The following FAM163B variants were observed in gnomAD, a reference collection of about 807,000 sequenced individuals.
The protein encoded by FAM163B is family with sequence similarity 163 member B.
In FAM163B, 4 loss-of-function variants were observed where a neutral mutation model predicts 7.6. The ratio of observed to expected loss-of-function variants is 0.52; its 90% CI spans 0.26 to 1.20. The LOEUF is 1.20. Among genes scored for constraint, FAM163B ranks in the 50% most tolerant of loss-of-function variants. The pLI, the probability that FAM163B is intolerant of heterozygous loss-of-function variation, is 0.14. For synonymous variants in FAM163B, 120 were observed against 111.6 expected (o/e 1.07, Z -0.47); for missense variants, 250 against 243.0 (o/e 1.03, Z -0.19).
chr9:133,580,084 C>A, intron 2 of FAM163B, 47 bp downstream of exon 2: 1 of 1,542,562 alleles, frequency 6.5e-7, no homozygotes, highest in Non-Finnish European at 8.9e-7. Flanking sequence ...GTAGGGGCAC[C>A]CTCTGGGCCT....
intron 1 of FAM163B, among the ~76,000 whole-genome samples, chr9:133,585,087 A>AG (rs917588141): frequency 2.0e-5 from 3 of 152,204 alleles, no homozygotes; most frequent in African/African-American, 7.2e-5. Flanking sequence ...GTCTGTGGCA[A>AG]GGGGGCCTGG....
chr9:133,598,408 T>C (rs1831662003), intron 1 of FAM163B, among the ~76,000 whole-genome samples: 1 of 151,590 alleles, frequency 6.6e-6, no homozygotes, highest in Admixed American at 6.6e-5. Context: ...AGAAGTGCAT[T>C]TGAAAAAAAA....
chr9:133,590,065 CCCCTT>C (rs1564193410), intron 1 of FAM163B, among the ~76,000 whole-genome samples: 1,055 of 16,862 alleles, frequency 0.063, 202 homozygotes, highest in South Asian at 0.1. Context: ...CCCTTCCCTT[CCCCTT>C]CCCTTCCCCT....
chr9:133,600,069 ATG>A lies in FAM163B; in HGVS notation c.-24+9006_-24+9007del, dbSNP rs748374615. Among the ~76,000 whole-genome samples the A allele has an allele frequency of 3.6e-3, 463 of 127,464 alleles. No homozygotes were observed. Among genetic ancestry groups the A allele is most frequent in the African/African-American group, 0.014 (408 of 29,516 alleles). The allele number at this position is 127,464 out of a possible 152,430, so 83.6% of individuals were successfully genotyped here. On this transcript the variant is annotated intron_variant, in intron 1 of 2. Transcript: ENST00000673969. This position sits in a 1 kb window ranked among gnomAD's most constrained non-coding sequence, Gnocchi z 4.9. The stretch of plus-strand genomic sequence containing the variant: ...TGGATGTGTGTGAGTTTGTGTGTGC[ATG>A]TGTGTGTGTCTGTGTGCATGTGTGC...
At chr9:133,605,109 C>T (rs935124850) in intron 1 of FAM163B, among the ~76,000 whole-genome samples, 3 of 152,208 alleles carry the variant, frequency 2.0e-5, no homozygotes, top group Non-Finnish European at 2.9e-5. Flanking sequence ...GGCCACCTTA[C>T]GGCAGAGCCA....
At position 133,580,086 on chromosome 9, in the gene FAM163B, T is replaced by G. The variant is rs1831333210; in HGVS notation, c.93+45A>C. On this transcript the variant is annotated intron_variant, in intron 2 of 2. Coordinates refer to ENST00000673969, the MANE Select transcript of FAM163B (RefSeq NM_001080515.3). The stretch of plus-strand genomic sequence containing the variant: ...GCTCCCTCCCGAGGTAGGGGCACCC[T>G]CTGGGCCTCCCTGCCCTGTCCCCTT... 3 of 1,553,824 alleles carry G rather than the reference T, an allele frequency of 1.9e-6. No individual in the cohort carries two copies. In the African/African-American group the frequency reaches 4.1e-5, roughly 21 times the overall value.
In FAM163B at chr9:133,600,069, A is replaced by ATG. The variant is rs748374615; in HGVS notation, c.-24+9006_-24+9007dup. Among the ~76,000 whole-genome samples the ATG allele has an allele frequency of 2.6e-4, 33 of 127,466 alleles. No homozygotes were observed. The highest frequency in any genetic ancestry group is 1.1e-3 in the African/African-American group (32 of 29,518). 83.6% of individuals were successfully genotyped at this position (127,466 alleles called of 152,430 possible). On this transcript the variant is annotated intron_variant, in intron 1 of 2. Transcript: ENST00000673969. This position sits in a 1 kb window ranked among gnomAD's most constrained non-coding sequence, Gnocchi z 4.9. ...TGGATGTGTGTGAGTTTGTGTGTGC[A>ATG]TGTGTGTGTGTCTGTGTGCATGTGT...
At chr9:133,605,396 G>A (rs923654132) in intron 1 of FAM163B, among the ~76,000 whole-genome samples, 6 of 152,200 alleles carry the variant, frequency 3.9e-5, no homozygotes, top group Admixed American at 3.9e-4. Context: ...CAGGGAATGT[G>A]GTGGACGAGG....
In FAM163B at chr9:133,609,281, G is replaced by A. The variant is rs1441345195; in HGVS notation, c.-228C>T. On this transcript the variant is annotated 5_prime_UTR_variant, in exon 1 of 3. Coordinates refer to ENST00000673969, the MANE Select transcript of FAM163B (RefSeq NM_001080515.3). ...CGGGGAGGCGACTGCGTGCCCAGGCGGGCACCCCTGCCAGCTCCGCGCTGC... is the reference window on the plus strand; with the variant it reads ...CGGGGAGGCGACTGCGTGCCCAGGCAGGCACCCCTGCCAGCTCCGCGCTGC... Among the ~76,000 whole-genome samples the A allele has an allele frequency of 1.3e-5, 2 of 150,240 alleles. No homozygotes were observed. The highest frequency in any genetic ancestry group is 4.9e-5 in the African/African-American group (2 of 41,234).
chr9:133,580,919 C>A (rs1170153775), intron 1 of FAM163B, among the ~76,000 whole-genome samples: 2 of 152,190 alleles, frequency 1.3e-5, no homozygotes, highest in South Asian at 2.1e-4. Flanking sequence ...TCCTGCCTGA[C>A]GTTTGGGCTT....
At chr9:133,599,401 G>A (rs1346655964) in intron 1 of FAM163B, among the ~76,000 whole-genome samples, 5 of 152,164 alleles carry the variant, frequency 3.3e-5, no homozygotes, top group South Asian at 4.1e-4. Flanking sequence ...CTGCAAGCCC[G>A]ACAGCAGCTG....
chr9:133,583,742 C>T (rs113391089), intron 1 of FAM163B, among the ~76,000 whole-genome samples: 29 of 152,322 alleles, frequency 1.9e-4, no homozygotes, highest in African/African-American at 6.3e-4. Flanking sequence ...GGAAGGGTGC[C>T]GGCTCAGGCC....
In FAM163B at chr9:133,600,039, CTGTGTGGATG is replaced by C. The variant is rs1379052249; in HGVS notation, c.-24+9028_-24+9037del. Among the ~76,000 whole-genome samples, 3 of 130,492 alleles carry C rather than the reference CTGTGTGGATG, an allele frequency of 2.3e-5. No homozygotes were observed. The highest frequency in any genetic ancestry group is 9.0e-5 in the African/African-American group (3 of 33,452). The allele number at this position is 130,492 out of a possible 152,430, so 85.6% of individuals were successfully genotyped here. A position where few individuals can be genotyped will look rare whatever the true frequency, so the allele number is the denominator to read the frequency against. ...GCATTTGTGTGCATGTATGTGTGGT[CTGTGTGGATG>C]TGTGTGAGTTTGTGTGTGCATGTGT... On this transcript the variant is annotated intron_variant, in intron 1 of 2. Coordinates refer to ENST00000673969, the MANE Select transcript of FAM163B (RefSeq NM_001080515.3). This position sits in a 1 kb window ranked among gnomAD's most constrained non-coding sequence, Gnocchi z 4.9.
At position 133,607,151 on chromosome 9, in the gene FAM163B, G is replaced by A. The variant is rs1310893674; in HGVS notation, c.-24+1926C>T. Among the ~76,000 whole-genome samples, 10 of 152,262 alleles carry A rather than the reference G, an allele frequency of 6.6e-5. No individual in the cohort carries two copies. In the South Asian group the frequency reaches 8.3e-4, roughly 13 times the overall value. On this transcript the variant is annotated intron_variant, in intron 1 of 2. Transcript: ENST00000673969. ...TCCTCCCAGCTTTCCTACTCCATCC[G>A]GGGCTTAGATGAACAGAGCTGTAAT...
At chr9:133,604,980 G>A (rs571485342) in intron 1 of FAM163B, among the ~76,000 whole-genome samples, 60 of 152,356 alleles carry the variant, frequency 3.9e-4, no homozygotes, top group Middle Eastern at 6.8e-3. Flanking sequence ...CGTGAGGAAC[G>A]GAGATGGAGG....
In FAM163B at chr9:133,578,850, T is replaced by C. The variant is rs931551879; in HGVS notation, c.*172A>G. 12 of 1,281,752 alleles carry C rather than the reference T, an allele frequency of 9.4e-6. No individual in the cohort carries two copies. Among genetic ancestry groups the C allele is most frequent in the African/African-American group, 1.5e-5 (1 of 66,798 alleles). The allele number at this position is 1,281,752 out of a possible 1,614,324, so 79.4% of individuals were successfully genotyped here. ...GGACACATTTGTGTTCAATGAGCCT[T>C]ATCCCTGCCACGAGCCTGGGGGCTC... On this transcript the variant is annotated 3_prime_UTR_variant, in exon 3 of 3. Coordinates refer to ENST00000673969, the MANE Select transcript of FAM163B (RefSeq NM_001080515.3).
chr9:133,589,640 T>G (rs188235416), intron 1 of FAM163B, among the ~76,000 whole-genome samples: 1 of 149,546 alleles, frequency 6.7e-6, no homozygotes, highest in African/African-American at 2.4e-5. Flanking sequence ...ACACACACAG[T>G]AGGGCGGCAT....
At chr9:133,599,381 C>T (rs1047002413) in intron 1 of FAM163B, among the ~76,000 whole-genome samples, 10 of 152,086 alleles carry the variant, frequency 6.6e-5, no homozygotes, top group East Asian at 1.9e-4. Context: ...ACCTGGGTCC[C>T]GGGACCCCAC....
At chr9:133,597,167 C>T (rs1370214747) in intron 1 of FAM163B, among the ~76,000 whole-genome samples, 1 of 152,094 alleles carries the variant, frequency 6.6e-6, no homozygotes, top group Non-Finnish European at 1.5e-5. Flanking sequence ...TGGAACTAAC[C>T]CCGAAGTGGC....
Sources: allele counts gnomAD v4.1 joint callset (sites outside exome capture counted in the v4.1 genomes callset), GRCh38; gene constraint gnomAD v4.1.1; non-coding constraint Gnocchi (gnomAD v3.1); transcripts MANE v1.5; gene names NCBI Gene and HGNC (gene_info 2026-07-23, HGNC 2026-07-21).